Variants in STEAP3 observed in about 807,000 individuals in gnomAD.
STEAP3 encodes STEAP3 metalloreductase.
In STEAP3, 35 loss-of-function variants were observed where a neutral mutation model predicts 34.9. That is an observed-to-expected ratio of 1.00 (90% CI 0.76 to 1.33). The LOEUF is 1.33. Ranked by LOEUF, STEAP3 falls within the 40% of genes most tolerant of loss-of-function variation. STEAP3 has a pLI of 0.00. For missense variants in STEAP3, 652 were observed against 667.6 expected, an observed-to-expected ratio of 0.98 and a Z score of 0.26; for synonymous variants, 281 against 301.6, an observed-to-expected ratio of 0.93 and a Z score of 0.71.
Position 119,234,608 on chromosome 2 carries a change from C to T in STEAP3, c.22+3574C>T, listed in dbSNP as rs111397350. On this transcript the variant is annotated intron_variant, in intron 2 of 5. Transcript: ENST00000393110. ...TCTTTGGCCACCTGCATGGCCCCGG[C>T]GCCTTGCTTCATGCTGGGTACACAG... Among the ~76,000 whole-genome samples the T allele has an allele frequency of 2.9e-3, 449 of 152,360 alleles. 3 individuals carry two copies. The highest frequency in any genetic ancestry group is 0.01 in the African/African-American group (419 of 41,586).
At chr2:119,246,062 T>G in intron 3 of STEAP3, 74 bp downstream of exon 3, 1 of 1,524,246 alleles carries the variant, frequency 6.6e-7, no homozygotes. Context: ...GCTGCCAGCA[T>G]GCTCTTTTTG....
rs112994582 is a variant in STEAP3, at chr2:119,257,348, C to T, written c.1215+2500C>T. On this transcript the variant is annotated intron_variant, in intron 5 of 5. Coordinates refer to ENST00000393110, the MANE Select transcript of STEAP3 (RefSeq NM_182915.3). ...TGAAGCCAGAGCCCTCTTGGAGAAA[C>T]AGAGATAACCCAGGCCTGCCTCCCA... 1.2e-3 allele frequency: 1,605 copies of T among 1,328,086 alleles called. 3 individuals are homozygous for T. The highest frequency in any genetic ancestry group is 1.4e-3 in the Non-Finnish European group (1,419 of 1,028,146). The allele number at this position is 1,328,086 out of a possible 1,614,324, so 82.3% of individuals were successfully genotyped here. A position where few individuals can be genotyped will look rare whatever the true frequency, so the allele number is the denominator to read the frequency against.
chr2:119,227,661 A>C (rs1032809043), intron 1 of STEAP3, among the ~76,000 whole-genome samples: 6 of 152,114 alleles, frequency 3.9e-5, no homozygotes, highest in African/African-American at 1.4e-4. Flanking sequence ...TATAAAGCCG[A>C]CTTCGGTACA....
intron 4 of STEAP3, among the ~76,000 whole-genome samples, chr2:119,251,949 T>TAC (rs1452868470): frequency 6.6e-6 from 1 of 152,202 alleles, no homozygotes; most frequent in African/African-American, 2.4e-5. Context: ...TTATTTTTCT[T>TAC]ACACACTACT....
chr2:119,250,098 C>T (rs1677577122), intron 4 of STEAP3, among the ~76,000 whole-genome samples: 1 of 152,218 alleles, frequency 6.6e-6, no homozygotes, highest in Non-Finnish European at 1.5e-5. Flanking sequence ...AGCTGGGATT[C>T]AGATCCAGCT....
Position 119,240,346 on chromosome 2 carries a change from G to A in STEAP3, c.23-5143G>A, listed in dbSNP as rs528513959. On this transcript the variant is annotated intron_variant, in intron 2 of 5. Coordinates refer to ENST00000393110, the MANE Select transcript of STEAP3 (RefSeq NM_182915.3). ...GAGGCGTGCGAGGCACCCCGTTCTT[G>A]GCCTGCAGGCCGCCCCCACTCCATC... 2.0e-5 allele frequency among the ~76,000 whole-genome samples: 3 copies of A among 152,384 alleles called. No homozygotes were observed. The East Asian group carries it at 5.8e-4, about 29-fold the overall frequency.
chr2:119,262,428 G>A (rs1677969490), intron 5 of STEAP3, among the ~76,000 whole-genome samples: 1 of 152,120 alleles, frequency 6.6e-6, no homozygotes, highest in African/African-American at 2.4e-5. Context: ...GTGCAGTAGT[G>A]CAGTGGCACA....
intron 4 of STEAP3, chr2:119,248,544 A>C: frequency 3.6e-6 from 1 of 276,978 alleles, no homozygotes; most frequent in Non-Finnish European, 6.8e-6. Flanking sequence ...AGGTTTGAAG[A>C]TGGTCCAGGA....
intron 1 of STEAP3, among the ~76,000 whole-genome samples, chr2:119,226,526 C>T (rs985749932): frequency 6.6e-6 from 1 of 152,162 alleles, no homozygotes; most frequent in Non-Finnish European, 1.5e-5. Context: ...CCTGCCAAAC[C>T]ATCCCAATTT....
chr2:119,244,610 G>T (rs1677351857), intron 2 of STEAP3: 1 of 152,116 alleles, frequency 6.6e-6, no homozygotes, highest in African/African-American at 2.4e-5. Flanking sequence ...TTTATGATAT[G>T]ATCTTGGTCA....
Position 119,230,812 on chromosome 2 carries a change from C to T in STEAP3, c.-201C>T, listed in dbSNP as rs2104791451. On this transcript the variant is annotated 5_prime_UTR_variant, in exon 2 of 6. Coordinates refer to ENST00000393110, the MANE Select transcript of STEAP3 (RefSeq NM_182915.3). ...GCATCAGTCACCACTCCCGGTCCAG[C>T]CCCTGTGGCCAAGAGCTGGCGTGCA... 3 of 661,826 alleles carry T rather than the reference C, an allele frequency of 4.5e-6. No homozygotes were observed. The highest frequency in any genetic ancestry group is 5.5e-5 in the East Asian group (2 of 36,592). 41.0% of individuals were successfully genotyped at this position (661,826 alleles called of 1,614,324 possible).
intron 4 of STEAP3, chr2:119,248,801 T>C (rs1354964403): frequency 6.6e-6 from 1 of 152,366 alleles, no homozygotes; most frequent in East Asian, 1.9e-4. Context: ...AAGGTTTGAA[T>C]TTAGGTGTTG....
At position 119,237,817 on chromosome 2, in the gene STEAP3, G is replaced by A. The variant is rs185827041; in HGVS notation, c.22+6783G>A. 1.4e-4 allele frequency among the ~76,000 whole-genome samples: 21 copies of A among 152,128 alleles called. No homozygotes were observed. In the East Asian group the frequency reaches 2.7e-3, roughly 20 times the overall value. ...AAATGGTGAGTTGCATGGTGTACCC[G>A]TGAGGATCACTCCCCATTTTCTCCA... is the stretch of plus-strand genomic sequence containing the variant. On this transcript the variant is annotated intron_variant, in intron 2 of 5. Transcript: ENST00000393110.
In STEAP3 at chr2:119,232,503, G is replaced by T. The variant is rs76612865; in HGVS notation, c.22+1469G>T. On this transcript the variant is annotated intron_variant, in intron 2 of 5. Coordinates refer to ENST00000393110, the MANE Select transcript of STEAP3 (RefSeq NM_182915.3). Reference sequence around the variant, plus strand: ...TTAGGTGCTGGGATGTGCCTGCCCCGCTCCTCTCTGTTGGGGAAGACGGAA... The same window carrying T: ...TTAGGTGCTGGGATGTGCCTGCCCCTCTCCTCTCTGTTGGGGAAGACGGAA... 2.0e-5 allele frequency among the ~76,000 whole-genome samples: 3 copies of T among 152,242 alleles called. No homozygotes were observed. In the South Asian group the frequency reaches 6.2e-4, roughly 32 times the overall value.
intron 5 of STEAP3, among the ~76,000 whole-genome samples, chr2:119,260,439 C>T (rs974599930): frequency 3.3e-5 from 5 of 151,908 alleles, no homozygotes; most frequent in South Asian, 2.1e-4. Flanking sequence ...TACAGGCATG[C>T]GCCACCACAC....
intron 1 of STEAP3, among the ~76,000 whole-genome samples, chr2:119,227,370 G>A (rs1172295981): frequency 6.6e-6 from 1 of 152,174 alleles, no homozygotes. Flanking sequence ...CTGGTCTCGT[G>A]AGCCCTGCAC....
intron 2 of STEAP3, among the ~76,000 whole-genome samples, chr2:119,243,651 A>G (rs1677317835): frequency 6.6e-6 from 1 of 152,236 alleles, no homozygotes; most frequent in Non-Finnish European, 1.5e-5. Context: ...GCTGCCTTAT[A>G]AAAGGAAAAA....
intron 5 of STEAP3, among the ~76,000 whole-genome samples, chr2:119,262,225 C>T (rs1468578946): frequency 6.6e-6 from 1 of 152,142 alleles, no homozygotes; most frequent in African/African-American, 2.4e-5. Context: ...CACTTTTTGT[C>T]TGATCTTAAC....
chr2:119,227,498 C>T (rs566247577), intron 1 of STEAP3, among the ~76,000 whole-genome samples: 29 of 152,284 alleles, frequency 1.9e-4, no homozygotes, highest in African/African-American at 6.5e-4. Flanking sequence ...TACCGGGCAG[C>T]GTGGGCAACA....
Sources: gnomAD v4.1 joint callset for allele counts (sites outside exome capture counted in the v4.1 genomes callset) on GRCh38, gnomAD v4.1.1 for gene constraint, MANE v1.5 for transcripts, NCBI Gene and HGNC (gene_info 2026-07-23, HGNC 2026-07-21) for gene names.